Variants in TBC1D22A observed in about 807,000 individuals in gnomAD.
The protein encoded by TBC1D22A is putative GTPase activator.
Under a neutral mutation model 60.2 loss-of-function variants are expected in TBC1D22A, and 38 were observed. The ratio of observed to expected loss-of-function variants is 0.63; its 90% CI spans 0.49 to 0.83. The LOEUF (loss-of-function observed/expected upper bound fraction) is 0.83, where lower values mean the gene tolerates loss of function less well. Ranked by LOEUF, TBC1D22A falls within the 40% of genes least tolerant of loss-of-function variation. TBC1D22A has a pLI of 0.00. For missense variants in TBC1D22A, 628 were observed against 701.0 expected, an observed-to-expected ratio of 0.90 and a Z score of 1.18; for synonymous variants, 302 against 281.7, an observed-to-expected ratio of 1.07 and a Z score of -0.72.
At chr22:46,807,256 T>TGTGATGGTGATTGTGGGG (rs147446873) in intron 4 of TBC1D22A, among the ~76,000 whole-genome samples, 111,148 of 151,296 alleles carry the variant, frequency 0.73, 41,127 homozygotes, top group Middle Eastern at 0.83. Context: ...TAGTGTTGAT[T>TGTGATGGTGATTGTGGGG]GTGATGGTGA....
chr22:46,816,723 C>A (rs2085618468), intron 4 of TBC1D22A, among the ~76,000 whole-genome samples: 1 of 152,032 alleles, frequency 6.6e-6, no homozygotes, highest in Admixed American at 6.6e-5. Flanking sequence ...TATTATCAAT[C>A]CCCATGACCA....
At chr22:47,015,470 G>A (rs1275333610) in intron 10 of TBC1D22A, among the ~76,000 whole-genome samples, 2 of 152,188 alleles carry the variant, frequency 1.3e-5, no homozygotes, top group Non-Finnish European at 2.9e-5. Flanking sequence ...TTCTAATTTC[G>A]AGGAAACCTG....
At chr22:46,944,190 C>T (rs988575810) in intron 8 of TBC1D22A, among the ~76,000 whole-genome samples, 5 of 152,200 alleles carry the variant, frequency 3.3e-5, no homozygotes, top group African/African-American at 1.2e-4. Context: ...ACATCCCTGT[C>T]AGCACTTACT....
At chr22:47,001,636 G>A (rs996991474) in intron 10 of TBC1D22A, among the ~76,000 whole-genome samples, 5 of 152,022 alleles carry the variant, frequency 3.3e-5, no homozygotes, top group Admixed American at 2.0e-4. Flanking sequence ...TAGTGCTGCC[G>A]AGCTCCACAG....
chr22:47,152,470 C>T lies in TBC1D22A; in HGVS notation c.1426-21028C>T, dbSNP rs899782933. Among the ~76,000 whole-genome samples the T allele has an allele frequency of 1.3e-4, 20 of 152,182 alleles. 1 individual carries two copies. Among genetic ancestry groups the T allele is most frequent in the South Asian group, 4.1e-4 (2 of 4,834 alleles). ...TGGTCATGGCATCTCAGCTGCTCCC[C>T]GCTTCCATGGGATGGTGACCCCTCA... is the stretch of plus-strand genomic sequence containing the variant. On this transcript the variant is annotated intron_variant, in intron 12 of 12. Coordinates refer to ENST00000337137, the MANE Select transcript of TBC1D22A (RefSeq NM_014346.5).
intron 8 of TBC1D22A, among the ~76,000 whole-genome samples, chr22:46,960,044 C>T (rs1165090373): frequency 6.6e-6 from 1 of 152,180 alleles, no homozygotes; most frequent in Admixed American, 6.5e-5. Context: ...CAAAGACTAA[C>T]ATCTCGTTAG....
At chr22:46,788,316 G>A (rs1445981696) in intron 1 of TBC1D22A, among the ~76,000 whole-genome samples, 1 of 152,120 alleles carries the variant, frequency 6.6e-6, no homozygotes, top group Non-Finnish European at 1.5e-5. Context: ...CTGCCTTATT[G>A]GGTTGCAAAG....
At chr22:46,792,897 C>T in intron 2 of TBC1D22A, 9 of 1,411,632 alleles carry the variant, frequency 6.4e-6, no homozygotes, top group Non-Finnish European at 7.4e-6. Flanking sequence ...CCTTTCCCCT[C>T]CTCCTTCCCG....
At chr22:46,935,291 A>G (rs2071580545) in intron 8 of TBC1D22A, among the ~76,000 whole-genome samples, 1 of 152,216 alleles carries the variant, frequency 6.6e-6, no homozygotes, top group Non-Finnish European at 1.5e-5. Context: ...CAAATTAGAA[A>G]CTTTGGTTGA....
At chr22:46,984,198 C>T (rs5769283) in intron 9 of TBC1D22A, among the ~76,000 whole-genome samples, 1 of 151,490 alleles carries the variant, frequency 6.6e-6, no homozygotes, top group African/African-American at 2.4e-5. Context: ...AAAACCCTGT[C>T]TCTATTAAAA....
At chr22:46,864,732 A>G (rs569020318) in intron 4 of TBC1D22A, among the ~76,000 whole-genome samples, 2 of 152,128 alleles carry the variant, frequency 1.3e-5, no homozygotes, top group African/African-American at 4.8e-5. Context: ...GTGTACCTGC[A>G]CTATTTTGGG....
intron 7 of TBC1D22A, among the ~76,000 whole-genome samples, chr22:46,909,892 C>T (rs577570063): frequency 4.4e-4 from 67 of 152,322 alleles, no homozygotes; most frequent in African/African-American, 1.6e-3. Context: ...GTTGGTGACT[C>T]GTGGTGCAGC....
chr22:46,987,088 T>C (rs1467354966), intron 9 of TBC1D22A, among the ~76,000 whole-genome samples: 1 of 152,210 alleles, frequency 6.6e-6, no homozygotes, highest in African/African-American at 2.4e-5. Flanking sequence ...AGGCTCCCAG[T>C]GAGACTCTGT....
intron 11 of TBC1D22A, among the ~76,000 whole-genome samples, chr22:47,086,573 G>T (rs1460130900): frequency 6.6e-6 from 1 of 152,156 alleles, no homozygotes; most frequent in Admixed American, 6.5e-5. Context: ...CAATTATTTC[G>T]GGATAAAAGT....
intron 8 of TBC1D22A, among the ~76,000 whole-genome samples, chr22:46,944,105 C>A (rs2072355423): frequency 6.6e-6 from 1 of 152,120 alleles, no homozygotes; most frequent in Non-Finnish European, 1.5e-5. Context: ...TACCTTTTAC[C>A]TTTGAAGAAC....
intron 8 of TBC1D22A, among the ~76,000 whole-genome samples, chr22:46,965,746 C>T (rs1436156619): frequency 3.3e-5 from 5 of 152,204 alleles, no homozygotes; most frequent in African/African-American, 7.2e-5. Flanking sequence ...TCCCTGTGGC[C>T]GGTGGCCTGG....
intron 4 of TBC1D22A, among the ~76,000 whole-genome samples, chr22:46,851,846 G>T (rs1441108923): frequency 2.0e-5 from 3 of 152,226 alleles, no homozygotes; most frequent in Admixed American, 6.5e-5. Flanking sequence ...CTTAACAGGG[G>T]TGTGCTCTTT....
At chr22:47,004,919 C>T (rs545213503) in intron 10 of TBC1D22A, among the ~76,000 whole-genome samples, 36 of 151,988 alleles carry the variant, frequency 2.4e-4, no homozygotes, top group Admixed American at 5.9e-4. Flanking sequence ...GCCATATACA[C>T]ATACACCTAC....
intron 10 of TBC1D22A, among the ~76,000 whole-genome samples, chr22:47,012,252 C>A (rs117744986): frequency 6.6e-6 from 1 of 152,126 alleles, no homozygotes; most frequent in East Asian, 1.9e-4. Context: ...TGTTTGGTTC[C>A]GCTGTGAAAA....
Sources: gnomAD v4.1 joint callset for allele counts (sites outside exome capture counted in the v4.1 genomes callset) on GRCh38, gnomAD v4.1.1 for gene constraint, MANE v1.5 for transcripts, NCBI Gene and HGNC (gene_info 2026-07-23, HGNC 2026-07-21) for gene names.